Variants in KDM4B observed in about 807,000 individuals in gnomAD.
KDM4B encodes the protein lysine demethylase 4B.
KDM4B carries 32 observed loss-of-function variants against 125.2 expected under a neutral mutation model. The observed-to-expected ratio is 0.26, with a 90% CI of 0.19 to 0.34. The LOEUF is 0.34. Ranked by LOEUF, KDM4B falls within the 10% of genes least tolerant of loss-of-function variation. The probability of loss-of-function intolerance (pLI) is 1.00; values close to 1 mark genes in which losing one functional copy is unlikely to be tolerated. For synonymous variants in KDM4B, 721 were observed against 677.9 expected (o/e 1.06, Z -0.99); for missense variants, 1,190 against 1,577.7 (o/e 0.75, Z 4.16).
At chr19:5,138,190 T>C in intron 18 of KDM4B, 120 bp downstream of exon 18, 1 of 712,256 alleles carries the variant, frequency 1.4e-6, no homozygotes, top group Non-Finnish European at 2.3e-6. Context: ...TCCATGGGGG[T>C]GGTGGGCAGC....
chr19:5,082,433 G>T lies in KDM4B; in HGVS notation c.847G>T (p.Gly283Trp). The T allele has an allele frequency of 6.2e-7, 1 of 1,613,618 alleles. No homozygotes were observed. Among genetic ancestry groups the T allele is most frequent in the Non-Finnish European group, 8.5e-7 (1 of 1,179,928 alleles). ...CGGCTACCACGCCGGCTTCAATCAC[G>T]GGTTCAACTGCGCAGAATCTACCAA... is the stretch of plus-strand genomic sequence containing the variant. ...PYGYHAGFNHGFNCAESTNFA... is the reference protein window; with the variant it reads ...PYGYHAGFNHWFNCAESTNFA... The change falls in exon 9 of 23, where the codon GGG becomes TGG. Residue 283 changes from glycine to tryptophan, a missense_variant. Gly to Trp is a radical substitution (Grantham distance 184). Transcript: ENST00000159111. The surrounding 1 kb of genome is among the most constrained non-coding windows in gnomAD (Gnocchi z 5.4).
At chr19:5,017,237 G>C (rs1268380400) in intron 2 of KDM4B, among the ~76,000 whole-genome samples, 4 of 152,200 alleles carry the variant, frequency 2.6e-5, no homozygotes. Context: ...GAGGGTGGTG[G>C]AGCCCAGCCT....
At chr19:4,998,916 A>G (rs1347040870) in intron 1 of KDM4B, among the ~76,000 whole-genome samples, 4 of 152,306 alleles carry the variant, frequency 2.6e-5, no homozygotes, top group Non-Finnish European at 5.9e-5. Flanking sequence ...AGTGCGCCCT[A>G]TCAGGAGGCC....
At chr19:5,151,059 G>T (rs2039938481) in intron 22 of KDM4B, among the ~76,000 whole-genome samples, 1 of 152,182 alleles carries the variant, frequency 6.6e-6, no homozygotes, top group East Asian at 1.9e-4. Context: ...CCGCAGAGGG[G>T]TCCCTCGGAA....
intron 1 of KDM4B, among the ~76,000 whole-genome samples, chr19:4,984,778 G>A (rs1454402256): frequency 2.0e-5 from 3 of 152,140 alleles, no homozygotes; most frequent in Admixed American, 6.5e-5. Context: ...CCCCTGGCTC[G>A]GACAGAGGTG....
intron 9 of KDM4B, among the ~76,000 whole-genome samples, chr19:5,088,671 C>CG (rs1308228514): frequency 1.0e-4 from 15 of 145,630 alleles, no homozygotes; most frequent in Non-Finnish European, 1.8e-4. Flanking sequence ...CCCCTCCCCC[C>CG]CCCCGCAAAA....
intron 1 of KDM4B, among the ~76,000 whole-genome samples, chr19:5,009,701 A>G (rs1049068495): frequency 6.6e-6 from 1 of 152,008 alleles, no homozygotes; most frequent in Non-Finnish European, 1.5e-5. Flanking sequence ...AAATTAGCCA[A>G]TTCCATACTA....
At chr19:5,132,827 G>A (rs777463954) in intron 13 of KDM4B, among the ~76,000 whole-genome samples, 3 of 152,170 alleles carry the variant, frequency 2.0e-5, no homozygotes, top group African/African-American at 4.8e-5. Context: ...AGTGACAGAC[G>A]CAGCCAGTGG....
chr19:4,998,622 A>G (rs181772010), intron 1 of KDM4B, among the ~76,000 whole-genome samples: 3 of 152,278 alleles, frequency 2.0e-5, no homozygotes, highest in African/African-American at 7.2e-5. Flanking sequence ...CGCTGATAAA[A>G]TCAAATCTAC....
chr19:5,006,652 C>T (rs1291006163), intron 1 of KDM4B, among the ~76,000 whole-genome samples: 1 of 152,026 alleles, frequency 6.6e-6, no homozygotes, highest in Non-Finnish European at 1.5e-5. Flanking sequence ...GCATGCCTGT[C>T]ATCCCAGCTA....
chr19:5,054,167 C>T lies in KDM4B; in HGVS notation c.626+6498C>T, dbSNP rs560501802. 2.4e-4 allele frequency among the ~76,000 whole-genome samples: 36 copies of T among 152,322 alleles called. 1 individual carries two copies. The South Asian group carries it at 5.8e-3, about 25-fold the overall frequency. On this transcript the variant is annotated intron_variant, in intron 6 of 22. Coordinates refer to ENST00000159111, the MANE Select transcript of KDM4B (RefSeq NM_015015.3). Reference sequence around the variant, plus strand: ...TCGTATGATCACACCTCACTGCAACCTTAACCTCCTGGGCTCAGGTGATCC... The same window carrying T: ...TCGTATGATCACACCTCACTGCAACTTTAACCTCCTGGGCTCAGGTGATCC...
chr19:4,980,689 A>G (rs776784372), intron 1 of KDM4B, among the ~76,000 whole-genome samples: 1 of 151,742 alleles, frequency 6.6e-6, no homozygotes, highest in Non-Finnish European at 1.5e-5. Context: ...CGGCCTCCCA[A>G]AGTGCTGGGA....
chr19:5,031,719 C>A (rs1465920498), intron 2 of KDM4B, among the ~76,000 whole-genome samples: 1 of 152,198 alleles, frequency 6.6e-6, no homozygotes, highest in Non-Finnish European at 1.5e-5. Context: ...GTTCTGGACA[C>A]CAGTGCAAGC....
chr19:5,040,146 G>T, intron 4 of KDM4B, 135 bp downstream of exon 4: 1 of 1,004,164 alleles, frequency 1.0e-6, no homozygotes. Context: ...GCCCCGTGTG[G>T]GCTGTGGCGA....
In KDM4B at chr19:5,143,988, C is replaced by T. The variant is rs553426005; in HGVS notation, c.2572C>T (p.Arg858Trp). Residue 858 changes from arginine (R) to tryptophan (W), a missense_variant, in exon 19 of 23, where the codon CGG becomes TGG. Arg to Trp is a moderately radical substitution (Grantham distance 101). Around this residue, in one of 7 missense-constraint regions of KDM4B, gnomAD observed 298 missense variants for 439.7 expected, o/e 0.68. Coordinates refer to ENST00000159111, the MANE Select transcript of KDM4B (RefSeq NM_015015.3). ...WKLKCVYCRK[R>W]MKKVSGACIQ... is the part of the protein sequence containing the mutation. Reference sequence around the variant, plus strand: ...CCAGAAATGCGTGTACTGCCGGAAGCGGATGAAGAAGGTGTCAGGTGCCTG... The same window carrying T: ...CCAGAAATGCGTGTACTGCCGGAAGTGGATGAAGAAGGTGTCAGGTGCCTG... The T allele has an allele frequency of 5.0e-6, 8 of 1,586,308 alleles. No homozygotes were observed. Among genetic ancestry groups the T allele is most frequent in the African/African-American group, 1.3e-5 (1 of 74,498 alleles).
At chr19:5,072,503 T>C (rs1291542909) in intron 7 of KDM4B, among the ~76,000 whole-genome samples, 2 of 152,184 alleles carry the variant, frequency 1.3e-5, no homozygotes, top group East Asian at 1.9e-4. Flanking sequence ...CTTCTGGTAG[T>C]AGAAATTCTG....
intron 9 of KDM4B, among the ~76,000 whole-genome samples, chr19:5,086,798 T>A (rs534986872): frequency 1.8e-4 from 28 of 152,334 alleles, no homozygotes; most frequent in African/African-American, 6.7e-4. Flanking sequence ...GCCAGACCAC[T>A]GCCACAGATG....
intron 13 of KDM4B, among the ~76,000 whole-genome samples, chr19:5,132,985 GCCTGC>G (rs780991698): frequency 5.3e-5 from 8 of 152,156 alleles, no homozygotes; most frequent in South Asian, 2.1e-4. Context: ...ACCTCGGGGA[GCCTGC>G]CCTGCCCTGC....
intron 9 of KDM4B, among the ~76,000 whole-genome samples, chr19:5,087,875 T>G (rs2038556299): frequency 6.6e-6 from 1 of 152,204 alleles, no homozygotes; most frequent in African/African-American, 2.4e-5. Context: ...GGGATTTCAT[T>G]CACTGCACTC....
Sources: allele counts gnomAD v4.1 joint callset (sites outside exome capture counted in the v4.1 genomes callset), GRCh38; gene constraint gnomAD v4.1.1; regional missense constraint gnomAD v4.1.1; non-coding constraint Gnocchi (gnomAD v3.1); transcripts MANE v1.5; gene names NCBI Gene and HGNC (gene_info 2026-07-23, HGNC 2026-07-21).